The following ARSJ variants were observed in gnomAD, a reference collection of about 807,000 sequenced individuals.
The protein encoded by ARSJ is arylsulfatase family member J.
A neutral mutation model predicts 35.9 loss-of-function variants in ARSJ; 26 were observed. The ratio of observed to expected loss-of-function variants is 0.72; its 90% confidence interval spans 0.53 to 1.00. The LOEUF is 1.00. Ranked by LOEUF, ARSJ falls within the 50% of genes least tolerant of loss-of-function variation. The probability of loss-of-function intolerance (pLI) is 0.00; values close to 1 mark genes in which losing one functional copy is unlikely to be tolerated. For missense variants in ARSJ, 667 were observed against 723.6 expected, an observed-to-expected ratio of 0.92 and a Z score of 0.90; for synonymous variants, 294 against 267.6, an observed-to-expected ratio of 1.10 and a Z score of -0.96.
intron 1 of ARSJ, 70 bp from the exon 2 acceptor site, chr4:113,903,745 C>T: frequency 6.7e-7 from 1 of 1,487,704 alleles, no homozygotes; most frequent in Non-Finnish European, 9.0e-7. Flanking sequence ...ACAATGATCC[C>T]TAAATTAAAA....
chr4:113,925,954 T>C (rs1724030192), intron 1 of ARSJ, among the ~76,000 whole-genome samples: 1 of 152,122 alleles, frequency 6.6e-6, no homozygotes. Flanking sequence ...TGAGTGGAAG[T>C]CCATGTTGTG....
rs113431809 is a variant in ARSJ at position 113,904,026 on chromosome 4, G to A, written c.399-351C>T. Among the ~76,000 whole-genome samples the A allele has an allele frequency of 3.8e-3, 581 of 152,210 alleles. 4 individuals are homozygous for A. Among genetic ancestry groups the A allele is most frequent in the African/African-American group, 0.013 (555 of 41,528 alleles). ...CAACTTTCACCTCCCAGGTTCAAGC[G>A]ATTCTCCTGCCTCAGCCTCCCCAGT... On this transcript the variant is annotated intron_variant, in intron 1 of 1. Transcript: ENST00000315366.
intron 1 of ARSJ, among the ~76,000 whole-genome samples, chr4:113,959,956 T>TG (rs1726439697): frequency 6.6e-6 from 1 of 152,036 alleles, no homozygotes; most frequent in Non-Finnish European, 1.5e-5. Context: ...CTATGTTCAT[T>TG]GGGGTATTAA....
At chr4:113,918,540 C>T (rs1723463743) in intron 1 of ARSJ, among the ~76,000 whole-genome samples, 3 of 152,030 alleles carry the variant, frequency 2.0e-5, no homozygotes. Context: ...ATCCTGATGC[C>T]AAACAGTTTG....
At chr4:113,940,999 G>A (rs1378080605) in intron 1 of ARSJ, among the ~76,000 whole-genome samples, 3 of 151,940 alleles carry the variant, frequency 2.0e-5, no homozygotes, top group Non-Finnish European at 4.4e-5. Context: ...GAAAAAGAAG[G>A]TGGTCAGGTA....
In ARSJ at chr4:113,978,990, CA is replaced by C; in HGVS notation, c.-157del. The C allele has an allele frequency of 1.4e-6, 1 of 730,706 alleles. No individual in the cohort carries two copies. The highest frequency in any genetic ancestry group is 2.1e-5 in the South Asian group (1 of 48,284). 45.3% of individuals were successfully genotyped at this position (730,706 alleles called of 1,614,324 possible). A position where few individuals can be genotyped will look rare whatever the true frequency, so the allele number is the denominator to read the frequency against. ...ACCATGTCCGACAACTTTAATCTTC[CA>C]GAAGTGATGGCTTAATGGATGGGAC... is the stretch of plus-strand genomic sequence containing the variant. On this transcript the variant is annotated 5_prime_UTR_variant, in exon 1 of 2. The change abolishes the stop of an existing upstream ORF in the 5' untranslated region. Coordinates refer to ENST00000315366, the MANE Select transcript of ARSJ (RefSeq NM_024590.4).
At position 113,921,178 on chromosome 4, in the gene ARSJ, TA is replaced by T. The variant is rs1235531560; in HGVS notation, c.399-17504del. Among the ~76,000 whole-genome samples the T allele has an allele frequency of 6.6e-5, 10 of 151,824 alleles. No homozygotes were observed. The East Asian group carries it at 1.9e-3, about 29-fold the overall frequency. On this transcript the variant is annotated intron_variant, in intron 1 of 1. Transcript: ENST00000315366. ...AGCTAAAAATTATAAGCTTCAAACT[TA>T]AATAAAAGTATGGCCCATAAAAAAT...
chr4:113,914,570 T>C (rs535317515), intron 1 of ARSJ, among the ~76,000 whole-genome samples: 1 of 152,344 alleles, frequency 6.6e-6, no homozygotes, highest in South Asian at 2.1e-4. Flanking sequence ...TGAGTGTCTT[T>C]GCACCTGCAA....
chr4:113,933,196 A>T (rs1594440250), intron 1 of ARSJ, among the ~76,000 whole-genome samples: 1 of 152,068 alleles, frequency 6.6e-6, no homozygotes, highest in Admixed American at 6.6e-5. Flanking sequence ...ATAGGTAACG[A>T]GATTGAAACT....
intron 1 of ARSJ, among the ~76,000 whole-genome samples, chr4:113,911,717 C>T (rs1408249458): frequency 1.3e-5 from 2 of 152,008 alleles, no homozygotes; most frequent in Non-Finnish European, 2.9e-5. Flanking sequence ...ACAATGATTC[C>T]TGCCCTGCAT....
chr4:113,937,947 A>G (rs1353229878), intron 1 of ARSJ, among the ~76,000 whole-genome samples: 3 of 151,948 alleles, frequency 2.0e-5, no homozygotes, highest in Non-Finnish European at 4.4e-5. Context: ...TCAATATGAA[A>G]ATGGCCATAC....
intron 1 of ARSJ, among the ~76,000 whole-genome samples, chr4:113,915,955 T>G (rs1723267299): frequency 6.6e-6 from 1 of 152,200 alleles, no homozygotes; most frequent in Non-Finnish European, 1.5e-5. Context: ...GCTTATAGAC[T>G]GGAAAGGACA....
intron 1 of ARSJ, among the ~76,000 whole-genome samples, chr4:113,920,171 T>G (rs889681805): frequency 2.0e-5 from 3 of 152,180 alleles, no homozygotes; most frequent in Non-Finnish European, 4.4e-5. Flanking sequence ...AGATTGTAAT[T>G]GTTCTCTAAC....
intron 1 of ARSJ, among the ~76,000 whole-genome samples, chr4:113,934,750 T>C (rs1389541627): frequency 6.6e-6 from 1 of 151,804 alleles, no homozygotes; most frequent in Non-Finnish European, 1.5e-5. Flanking sequence ...ATGTACATAT[T>C]TTCAGGGTAC....
chr4:113,967,852 C>A (rs1594512800), intron 1 of ARSJ, among the ~76,000 whole-genome samples: 1 of 152,008 alleles, frequency 6.6e-6, no homozygotes, highest in East Asian at 1.9e-4. Context: ...TTTGAAAGCT[C>A]CTAAAATTCA....
At position 113,978,676 on chromosome 4, in the gene ARSJ, C is replaced by G; in HGVS notation, c.159G>C (p.Glu53Asp). 6.2e-7 allele frequency: 1 copy of G among 1,614,234 alleles called. No homozygotes were observed. Among genetic ancestry groups the G allele is most frequent in the South Asian group, 1.1e-5 (1 of 91,086 alleles). ...CTTGAGCTAGTAAGGCCCCTTCTTC[C>G]TCCTCTTCTAAGGCCTGGCCCCAGG... ...YLSWGQALEE[E>D]EEGALLAQAG... The change falls in exon 1 of 2, where the codon GAG (glutamate) becomes GAC (aspartate). Residue 53 changes from glutamate (E) to aspartate (D), a missense_variant. Coordinates refer to ENST00000315366, the MANE Select transcript of ARSJ (RefSeq NM_024590.4).
chr4:113,905,333 A>C (rs1204805942), intron 1 of ARSJ, among the ~76,000 whole-genome samples: 18 of 152,266 alleles, frequency 1.2e-4, no homozygotes, highest in Admixed American at 1.2e-3. Context: ...ACAGTGATTT[A>C]ACCTGAAAGG....
intron 1 of ARSJ, chr4:113,946,166 C>A (rs1341468589): frequency 3.9e-5 from 6 of 152,036 alleles, no homozygotes; most frequent in Non-Finnish European, 7.4e-5. Context: ...ATCCCTTCAT[C>A]CTTTTCTAGT....
At chr4:113,968,118 G>T (rs943430193) in intron 1 of ARSJ, among the ~76,000 whole-genome samples, 5 of 151,996 alleles carry the variant, frequency 3.3e-5, no homozygotes, top group Non-Finnish European at 2.9e-5. Flanking sequence ...AACGCTTTAG[G>T]TACACAATTC....
Sources: gnomAD v4.1 joint callset for allele counts (sites outside exome capture counted in the v4.1 genomes callset) on GRCh38, gnomAD v4.1.1 for gene constraint, MANE v1.5 for transcripts, NCBI Gene and HGNC (gene_info 2026-07-23, HGNC 2026-07-21) for gene names.